Variants in FSD1L observed in about 807,000 individuals in gnomAD.
The protein encoded by FSD1L is fibronectin type III and SPRY domain containing 1 like.
Under a neutral mutation model 71.6 loss-of-function variants are expected in FSD1L, and 45 were observed. The ratio of observed to expected loss-of-function variants is 0.63; its 90% CI spans 0.49 to 0.81. The LOEUF (loss-of-function observed/expected upper bound fraction) is 0.81, where lower values mean the gene tolerates loss of function less well. Among genes scored for constraint, FSD1L ranks in the 30% least tolerant of loss-of-function variants. FSD1L has a pLI of 0.00. For synonymous variants in FSD1L, 197 were observed against 207.2 expected (o/e 0.95, Z 0.42); for missense variants, 561 against 618.1 (o/e 0.91, Z 0.98).
In FSD1L at chr9:105,464,317, C is replaced by G; in HGVS notation, c.193C>G (p.Leu65Val). ...CTTTATTGATACACTACATCATACA[C>G]TAAAAGGAGTTCAGGTATGATTGTT... ...QNFIDTLHHT[L>V]KGVQENSSNI... The change falls in exon 3 of 14, where the codon CTA (leucine) becomes GTA (valine). Residue 65 changes from leucine (L) to valine (V), a missense_variant. Physicochemically the swap from Leu to Val is conservative, Grantham distance 32. Coordinates refer to ENST00000481272, the MANE Select transcript of FSD1L (RefSeq NM_001145313.3). The G allele has an allele frequency of 6.8e-7, 1 of 1,472,374 alleles. No individual in the cohort carries two copies. Among genetic ancestry groups the G allele is most frequent in the Non-Finnish European group, 9.2e-7 (1 of 1,091,704 alleles). 91.2% of individuals were successfully genotyped at this position (1,472,374 alleles called of 1,614,324 possible).
At chr9:105,455,199 G>A (rs1830288017) in intron 1 of FSD1L, among the ~76,000 whole-genome samples, 1 of 152,130 alleles carries the variant, frequency 6.6e-6, no homozygotes, top group Non-Finnish European at 1.5e-5. Context: ...GAGCTTCACT[G>A]GGCTGTGTAG....
At chr9:105,447,716 C>A (rs1443845603), upstream of FSD1L, 1 of 179,928 alleles carries the variant, frequency 5.6e-6, no homozygotes, top group Non-Finnish European at 1.2e-5. Flanking sequence ...CTGGCTGCCC[C>A]TCGAAGGATA....
chr9:105,524,309 T>A, intron 10 of FSD1L: 1 of 1,613,320 alleles, frequency 6.2e-7, no homozygotes, highest in Non-Finnish European at 8.5e-7. Flanking sequence ...GACTTCAGAT[T>A]TACCAGCCTG....
At chr9:105,487,897 A>T (rs10820807) in intron 7 of FSD1L, among the ~76,000 whole-genome samples, 18,873 of 152,214 alleles carry the variant, frequency 0.12, 1,496 homozygotes, top group Admixed American at 0.23. Context: ...TTTTAAGTTT[A>T]CAGTAAAGTT....
At chr9:105,517,923 A>G (rs959360136) in intron 10 of FSD1L, among the ~76,000 whole-genome samples, 20 of 152,218 alleles carry the variant, frequency 1.3e-4, no homozygotes, top group African/African-American at 4.8e-4. Context: ...CCCATCTCAC[A>G]TGCAAAGACA....
chr9:105,508,555 T>TAC (rs1377714578), intron 8 of FSD1L, 62 bp from the exon 9 acceptor site: 1 of 940,892 alleles, frequency 1.1e-6, no homozygotes, highest in Non-Finnish European at 1.7e-6. Flanking sequence ...GCTCATACTC[T>TAC]TACTTTTGGG....
chr9:105,538,479 C>T (rs1836404241), intron 12 of FSD1L, among the ~76,000 whole-genome samples: 1 of 152,060 alleles, frequency 6.6e-6, no homozygotes, highest in South Asian at 2.1e-4. Flanking sequence ...GAAGTTATCC[C>T]CAGGGTTATG....
intron 4 of FSD1L, among the ~76,000 whole-genome samples, chr9:105,471,542 T>A (rs1385310582): frequency 1.3e-5 from 2 of 152,112 alleles, no homozygotes; most frequent in African/African-American, 4.8e-5. Context: ...TTATGTATCT[T>A]GAATTGCTAG....
intron 10 of FSD1L, among the ~76,000 whole-genome samples, chr9:105,533,718 GC>G (rs11348873): frequency 0.72 from 107,426 of 149,534 alleles, 39,481 homozygotes; most frequent in African/African-American, 0.88. Flanking sequence ...ACCGCGTGCA[GC>G]CCCCCCGTCC....
intron 10 of FSD1L, among the ~76,000 whole-genome samples, chr9:105,516,680 C>G (rs1252672864): frequency 6.6e-6 from 1 of 152,150 alleles, no homozygotes; most frequent in Non-Finnish European, 1.5e-5. Flanking sequence ...TCACCAACAT[C>G]AAATACAGAA....
At chr9:105,497,810 C>G (rs1412599894) in intron 7 of FSD1L, among the ~76,000 whole-genome samples, 1 of 151,938 alleles carries the variant, frequency 6.6e-6, no homozygotes, top group African/African-American at 2.4e-5. Context: ...ATTGATTTCC[C>G]TCTTTTCAGT....
intron 10 of FSD1L, among the ~76,000 whole-genome samples, chr9:105,514,925 G>A (rs1322038995): frequency 6.6e-6 from 1 of 152,098 alleles, no homozygotes; most frequent in Non-Finnish European, 1.5e-5. Context: ...AGTGTTTTCA[G>A]ACCATCACTC....
intron 13 of FSD1L, 137 bp from the exon 14 acceptor site, chr9:105,546,221 C>A (rs919847245): frequency 1.4e-5 from 10 of 734,856 alleles, no homozygotes; most frequent in Middle Eastern, 4.0e-4. Context: ...TTCCCCTCAG[C>A]TGAAATATGA....
chr9:105,495,379 C>T (rs929914402), intron 7 of FSD1L, among the ~76,000 whole-genome samples: 1 of 152,172 alleles, frequency 6.6e-6, no homozygotes, highest in African/African-American at 2.4e-5. Context: ...GTGGGAATGA[C>T]CTGATTTTCC....
chr9:105,478,590 CTTGT>C (rs1831969393), intron 5 of FSD1L, among the ~76,000 whole-genome samples: 1 of 151,908 alleles, frequency 6.6e-6, no homozygotes. Flanking sequence ...ACAGTTTTTA[CTTGT>C]TTTTTATTAT....
chr9:105,517,334 C>G (rs1179066376), intron 10 of FSD1L, among the ~76,000 whole-genome samples: 2 of 152,120 alleles, frequency 1.3e-5, no homozygotes, highest in Non-Finnish European at 2.9e-5. Context: ...GCACCACAAA[C>G]ATACTCCTCA....
rs1424230913 is a variant in FSD1L at position 105,551,344 on chromosome 9, A to G, written c.*4861A>G. 6.6e-6 allele frequency: 1 copy of G among 151,976 alleles called. No individual in the cohort carries two copies. The highest frequency in any genetic ancestry group is 2.1e-4 in the South Asian group (1 of 4,820). 9.4% of individuals were successfully genotyped at this position (151,976 alleles called of 1,614,324 possible). On this transcript the variant is annotated 3_prime_UTR_variant, in exon 14 of 14. Coordinates refer to ENST00000481272, the MANE Select transcript of FSD1L (RefSeq NM_001145313.3). ...TAAAATTAATCACCTTAGCTCTACC[A>G]TATACTAGATCTGTGACCGCTACAC...
chr9:105,487,543 G>C (rs1167358321), intron 7 of FSD1L, among the ~76,000 whole-genome samples: 1 of 151,818 alleles, frequency 6.6e-6, no homozygotes, highest in Non-Finnish European at 1.5e-5. Context: ...CTTTAAAAAT[G>C]AGCTCCCTAT....
chr9:105,523,416 G>A lies in FSD1L; in HGVS notation c.1025+10480G>A. 6 of 1,604,998 alleles carry A rather than the reference G, an allele frequency of 3.7e-6. No homozygotes were observed. In the South Asian group the frequency reaches 5.5e-5, roughly 15 times the overall value. ...TGTGATGGCAGGAGGTACTCTGACT[G>A]GATGGCATGCTGATGTTGCTACTGT... is the stretch of plus-strand genomic sequence containing the variant. On this transcript the variant is annotated intron_variant, in intron 10 of 13. Transcript: ENST00000481272.
Sources: gnomAD v4.1 joint callset for allele counts (sites outside exome capture counted in the v4.1 genomes callset) on GRCh38, gnomAD v4.1.1 for gene constraint, MANE v1.5 for transcripts, NCBI Gene and HGNC (gene_info 2026-07-23, HGNC 2026-07-21) for gene names.